TMEM130: variants seen among roughly 807,000 people sequenced by gnomAD.
TMEM130 encodes the protein transmembrane protein 130.
TMEM130 carries 37 observed loss-of-function variants against 42.9 expected under a neutral mutation model. The observed-to-expected ratio is 0.86, with a 90% confidence interval of 0.66 to 1.13. The LOEUF (loss-of-function observed/expected upper bound fraction) is 1.13, where lower values mean the gene tolerates loss of function less well. TMEM130 is among the 50% of genes most tolerant of loss of function. The probability of loss-of-function intolerance (pLI) is 0.00; values close to 1 mark genes in which losing one functional copy is unlikely to be tolerated. For synonymous variants in TMEM130, 259 were observed against 237.7 expected (o/e 1.09, Z -0.82); for missense variants, 545 against 562.6 (o/e 0.97, Z 0.32).
chr7:98,864,004 T>A lies in TMEM130; in HGVS notation c.86-604A>T, dbSNP rs146247565. ...ACCTTCTAGGATCAAGAGATCTTCC[T>A]GCCTCAGCCTCCCAAATAACTGAAA... On this transcript the variant is annotated intron_variant, in intron 1 of 7. Transcript: ENST00000339375. Among the ~76,000 whole-genome samples the A allele has an allele frequency of 3.4e-3, 523 of 152,136 alleles. 2 individuals carry two copies. Among genetic ancestry groups the A allele is most frequent in the Non-Finnish European group, 5.7e-3 (386 of 67,986 alleles).
intron 5 of TMEM130, among the ~76,000 whole-genome samples, chr7:98,854,002 G>A (rs1554398591): frequency 6.6e-6 from 1 of 151,972 alleles, no homozygotes; most frequent in Non-Finnish European, 1.5e-5. Flanking sequence ...AGACTGGAGG[G>A]CAGAACAGAT....
chr7:98,869,265 C>T lies in TMEM130; in HGVS notation c.85+512G>A. The T allele has an allele frequency of 7.8e-7, 1 of 1,288,826 alleles. No individual in the cohort carries two copies. The highest frequency in any genetic ancestry group is 1.0e-6 in the Non-Finnish European group (1 of 988,612). 79.8% of individuals were successfully genotyped at this position (1,288,826 alleles called of 1,614,324 possible). A position where few individuals can be genotyped will look rare whatever the true frequency, so the allele number is the denominator to read the frequency against. On this transcript the variant is annotated intron_variant, in intron 1 of 7. Transcript: ENST00000339375. This position sits in a 1 kb window ranked among gnomAD's most constrained non-coding sequence, Gnocchi z 4.7. ...ATCACCACCAGAGAGGAAATGGCAG[C>T]CTGGCCTCCTGGGCTCTAAATTCGC...
chr7:98,870,005 G>C lies in TMEM130; in HGVS notation c.-144C>G. The C allele has an allele frequency of 2.4e-6, 1 of 424,012 alleles. No individual in the cohort carries two copies. The highest frequency in any genetic ancestry group is 3.8e-6 in the Non-Finnish European group (1 of 264,176). 26.3% of individuals were successfully genotyped at this position (424,012 alleles called of 1,614,324 possible). On this transcript the variant is annotated 5_prime_UTR_variant, in exon 1 of 8. Transcript: ENST00000339375. Reference sequence around the variant, plus strand: ...CGCCGTGCTCGCTCGTCCTCGCCGGGGGACGCTCTGTCGCTGCGCGCCGCC... The same window carrying C: ...CGCCGTGCTCGCTCGTCCTCGCCGGCGGACGCTCTGTCGCTGCGCGCCGCC...
In TMEM130 at chr7:98,863,274, C is replaced by A. The variant is rs375013520; in HGVS notation, c.212G>T (p.Arg71Leu). The A allele has an allele frequency of 6.2e-7, 1 of 1,613,428 alleles. No individual in the cohort carries two copies. The highest frequency in any genetic ancestry group is 1.1e-5 in the South Asian group (1 of 91,054). ...LALPADAHLY[R>L]FHWIHTPLVL... The stretch of plus-strand genomic sequence containing the variant: ...CAGCGGGGTGTGGATCCAGTGGAAG[C>A]GGTAGAGGTGGGCGTCAGCGGGCAG... Residue 71 changes from arginine to leucine, a missense_variant, in exon 2 of 8, where the codon CGC becomes CTC. Physicochemically the swap from Arg to Leu is moderately radical, Grantham distance 102. Transcript: ENST00000339375.
chr7:98,860,103 G>T, intron 3 of TMEM130, 76 bp downstream of exon 3: 1 of 1,291,696 alleles, frequency 7.7e-7, no homozygotes, highest in Non-Finnish European at 1.0e-6. Flanking sequence ...GAAGAGATTC[G>T]GAGTACCCTG....
rs191559202 is a variant in TMEM130 at position 98,847,957 on chromosome 7, C to G, written c.*99G>C. ...TGGATGATCCAGGCCAACAGCCCCA[C>G]GCAAATGAACCCCTCCTGGTCAGTG... On this transcript the variant is annotated 3_prime_UTR_variant, in exon 8 of 8. Coordinates refer to ENST00000339375, the MANE Select transcript of TMEM130 (RefSeq NM_152913.3). 3 of 1,212,572 alleles carry G rather than the reference C, an allele frequency of 2.5e-6. No homozygotes were observed. The highest frequency in any genetic ancestry group is 1.5e-5 in the African/African-American group (1 of 66,504). 75.1% of individuals were successfully genotyped at this position (1,212,572 alleles called of 1,614,324 possible).
At chr7:98,867,266 A>T (rs1794930674) in intron 1 of TMEM130, among the ~76,000 whole-genome samples, 1 of 152,020 alleles carries the variant, frequency 6.6e-6, no homozygotes, top group African/African-American at 2.4e-5. Flanking sequence ...TGGGTATATG[A>T]TATTGAGGGA....
chr7:98,848,643 C>T lies in TMEM130; in HGVS notation c.1059G>A (p.Met353Ile), dbSNP rs782427416. Residue 353 changes from methionine to isoleucine, a missense_variant, in exon 7 of 8, where the codon ATG (methionine) becomes ATA (isoleucine). Transcript: ENST00000339375. Reference sequence around the variant, plus strand: ...GGGTCATGTACATGATGAAGGCCAACATCACAGTGATAAGTGTAGCACATG... The same window carrying T: ...GGGTCATGTACATGATGAAGGCCAATATCACAGTGATAAGTGTAGCACATG... The part of the protein sequence containing the change: ...AFPCATLITV[M>I]LAFIMYMTLR... 1 of 1,614,152 alleles carries T rather than the reference C, an allele frequency of 6.2e-7. No homozygotes were observed. The highest frequency in any genetic ancestry group is 8.5e-7 in the Non-Finnish European group (1 of 1,180,016).
intron 6 of TMEM130, 49 bp downstream of exon 6, chr7:98,851,372 G>T (rs782314765): frequency 1.8e-5 from 28 of 1,581,452 alleles, no homozygotes; most frequent in Non-Finnish European, 2.4e-5. Flanking sequence ...GGATGGACAG[G>T]CTTGTGCTGC....
intron 3 of TMEM130, among the ~76,000 whole-genome samples, chr7:98,859,469 C>A (rs370320450): frequency 1.2e-3 from 187 of 152,204 alleles, no homozygotes; most frequent in African/African-American, 4.3e-3. Context: ...GGTGAAGACA[C>A]CACAAAGGCA....
chr7:98,850,273 A>ATATATATATT, intron 6 of TMEM130, among the ~76,000 whole-genome samples: 6 of 35,458 alleles, frequency 1.7e-4, no homozygotes, highest in Non-Finnish European at 3.2e-4. Flanking sequence ...ATATATATAT[A>ATATATATATT]TTTTTTTTTT....
chr7:98,849,916 C>G (rs1417999836), intron 6 of TMEM130, among the ~76,000 whole-genome samples: 1 of 152,018 alleles, frequency 6.6e-6, no homozygotes. Flanking sequence ...TCCCAGAGTC[C>G]TCCATAAAAA....
In TMEM130 at chr7:98,855,174, G is replaced by A. The variant is rs1425287760; in HGVS notation, c.803+66C>T. The A allele has an allele frequency of 3.5e-6, 5 of 1,429,210 alleles. No homozygotes were observed. The African/African-American group carries it at 5.6e-5, about 16-fold the overall frequency. 88.5% of individuals were successfully genotyped at this position (1,429,210 alleles called of 1,614,324 possible). A position where few individuals can be genotyped will look rare whatever the true frequency, so the allele number is the denominator to read the frequency against. On this transcript the variant is annotated intron_variant, in intron 5 of 7. Transcript: ENST00000339375. ...CTGTCACAGAGCAGAACAGACTTGG[G>A]GTCATCGTGAAGGGGGATGTGCAGA... is the stretch of plus-strand genomic sequence containing the variant.
rs541770654 is a variant in TMEM130 at position 98,870,009 on chromosome 7, C to A, written c.-148G>T. On this transcript the variant is annotated 5_prime_UTR_variant, in exon 1 of 8. Coordinates refer to ENST00000339375, the MANE Select transcript of TMEM130 (RefSeq NM_152913.3). The stretch of plus-strand genomic sequence containing the variant: ...GTGCTCGCTCGTCCTCGCCGGGGGA[C>A]GCTCTGTCGCTGCGCGCCGCCGCCG... 4.0e-5 allele frequency: 16 copies of A among 400,940 alleles called. No individual in the cohort carries two copies. The highest frequency in any genetic ancestry group is 3.2e-4 in the African/African-American group (15 of 47,496). 24.8% of individuals were successfully genotyped at this position (400,940 alleles called of 1,614,324 possible). A position where few individuals can be genotyped will look rare whatever the true frequency, so the allele number is the denominator to read the frequency against.
chr7:98,860,515 C>T (rs2116110639), intron 2 of TMEM130, among the ~76,000 whole-genome samples, 177 bp from the exon 3 acceptor site: 1 of 152,306 alleles, frequency 6.6e-6, no homozygotes, highest in East Asian at 1.9e-4. Context: ...CCCCTGAACA[C>T]AGAGGCATCT....
intron 6 of TMEM130, among the ~76,000 whole-genome samples, chr7:98,850,250 C>CATATATATATATATATAT (rs1179088568): frequency 3.1e-5 from 2 of 64,356 alleles, no homozygotes; most frequent in African/African-American, 4.4e-5. Flanking sequence ...CTGTCTCTCT[C>CATATATATATATATATAT]ATATATATAT....
intron 6 of TMEM130, among the ~76,000 whole-genome samples, chr7:98,848,986 C>T (rs1474638752): frequency 1.3e-5 from 2 of 152,118 alleles, no homozygotes; most frequent in African/African-American, 2.4e-5. Context: ...CTGGACTCAG[C>T]GACCAGCTCC....
At chr7:98,850,425 C>T (rs1208259207) in intron 6 of TMEM130, among the ~76,000 whole-genome samples, 1 of 151,138 alleles carries the variant, frequency 6.6e-6, no homozygotes, top group Non-Finnish European at 1.5e-5. Flanking sequence ...TTACAGACTC[C>T]CACCACCACA....
intron 6 of TMEM130, among the ~76,000 whole-genome samples, chr7:98,851,163 T>C (rs1794492830): frequency 6.6e-6 from 1 of 152,120 alleles, no homozygotes; most frequent in African/African-American, 2.4e-5. Flanking sequence ...GTAGAATCGA[T>C]GGGTGCCATA....
Sources: gnomAD v4.1 joint callset for allele counts (sites outside exome capture counted in the v4.1 genomes callset) on GRCh38, gnomAD v4.1.1 for gene constraint, Gnocchi (gnomAD v3.1) non-coding constraint, MANE v1.5 for transcripts, NCBI Gene and HGNC (gene_info 2026-07-23, HGNC 2026-07-21) for gene names.